The following CSMD3 variants were observed in gnomAD, a reference collection of about 807,000 sequenced individuals.
CSMD3 encodes the protein CUB and Sushi multiple domains 3.
In CSMD3, 177 loss-of-function variants were observed where a neutral mutation model predicts 435.2. The observed-to-expected ratio is 0.41, with a 90% CI of 0.36 to 0.46. The LOEUF (loss-of-function observed/expected upper bound fraction) is 0.46. CSMD3 is among the 20% of genes least tolerant of loss of function. The pLI is 0.34. For synonymous variants in CSMD3, 1,656 were observed against 1,520.5 expected (o/e 1.09, Z -2.07); for missense variants, 4,265 against 4,504.6 (o/e 0.95, Z 1.52).
intron 4 of CSMD3, among the ~76,000 whole-genome samples, chr8:113,129,893 C>A (rs2091241115): frequency 6.6e-6 from 1 of 151,768 alleles, no homozygotes; most frequent in South Asian, 2.1e-4. Context: ...AGGATACAGC[C>A]AGTAATTTTA....
At position 112,304,956 on chromosome 8, in the gene CSMD3, A is replaced by G. The variant is rs113360774; in HGVS notation, c.8072-41T>C. On this transcript the variant is annotated intron_variant, in intron 51 of 70. Coordinates refer to ENST00000297405, the MANE Select transcript of CSMD3 (RefSeq NM_198123.2). ...AGGGTGTAATTGCTAACAAATCACT[A>G]TATCTCAACGTCTATTCCATTCTTT... The G allele has an allele frequency of 2.0e-4, 290 of 1,441,628 alleles. 1 individual carries two copies. In the African/African-American group the frequency reaches 3.4e-3, roughly 17 times the overall value. The allele number at this position is 1,441,628 out of a possible 1,614,324, so 89.3% of individuals were successfully genotyped here. A position where few individuals can be genotyped will look rare whatever the true frequency, so the allele number is the denominator to read the frequency against.
intron 59 of CSMD3, among the ~76,000 whole-genome samples, chr8:112,280,735 G>C (rs1322387945): frequency 6.6e-6 from 1 of 151,868 alleles, no homozygotes; most frequent in Non-Finnish European, 1.5e-5. Context: ...AACATAACAA[G>C]AGAGCAAATC....
chr8:113,106,843 CT>C (rs921425938), intron 4 of CSMD3, among the ~76,000 whole-genome samples: 17 of 149,342 alleles, frequency 1.1e-4, no homozygotes, highest in African/African-American at 2.5e-4. Flanking sequence ...TATTCTCTTT[CT>C]TTTTTTTTCT....
intron 10 of CSMD3, among the ~76,000 whole-genome samples, chr8:112,894,075 A>C (rs1013434077): frequency 4.0e-5 from 6 of 151,494 alleles, no homozygotes; most frequent in Non-Finnish European, 8.9e-5. Flanking sequence ...AACAAGAAAC[A>C]CAACAAAGGG....
intron 32 of CSMD3, among the ~76,000 whole-genome samples, chr8:112,446,406 C>A (rs1815611725): frequency 6.6e-6 from 1 of 152,206 alleles, no homozygotes; most frequent in Non-Finnish European, 1.5e-5. Flanking sequence ...TCAGCTGACT[C>A]TCAAACTTAA....
intron 63 of CSMD3, among the ~76,000 whole-genome samples, chr8:112,248,137 GA>G (rs1468091800): frequency 6.6e-6 from 1 of 151,918 alleles, no homozygotes; most frequent in East Asian, 1.9e-4. Context: ...TCCTCTTTGA[GA>G]CCTAATTTAT....
intron 7 of CSMD3, among the ~76,000 whole-genome samples, chr8:112,972,743 T>TA (rs1213291017): frequency 6.6e-6 from 1 of 151,954 alleles, no homozygotes; most frequent in Non-Finnish European, 1.5e-5. Context: ...AACTATTTTT[T>TA]AAAAAATATC....
chr8:113,036,143 A>C (rs1215312366), intron 5 of CSMD3, among the ~76,000 whole-genome samples: 1 of 151,606 alleles, frequency 6.6e-6, no homozygotes, highest in Non-Finnish European at 1.5e-5. Flanking sequence ...GGACTAACTA[A>C]ATAAAATTAA....
intron 9 of CSMD3, among the ~76,000 whole-genome samples, chr8:112,926,633 G>T (rs967651910): frequency 3.9e-5 from 6 of 152,180 alleles, no homozygotes; most frequent in African/African-American, 1.2e-4. Flanking sequence ...GTCAGTAAGA[G>T]AAGATATGAG....
At chr8:112,786,955 C>T (rs1341256844) in intron 13 of CSMD3, among the ~76,000 whole-genome samples, 4 of 152,102 alleles carry the variant, frequency 2.6e-5, no homozygotes, top group Non-Finnish European at 4.4e-5. Context: ...CGTTGTTCAA[C>T]TCCCACTTAT....
At chr8:112,323,283 T>G (rs1328870445) in intron 45 of CSMD3, among the ~76,000 whole-genome samples, 1 of 152,074 alleles carries the variant, frequency 6.6e-6, no homozygotes, top group Non-Finnish European at 1.5e-5. Context: ...CAATCTCTAC[T>G]AGTATGTTCT....
chr8:112,860,587 C>G (rs1447361604), intron 10 of CSMD3, among the ~76,000 whole-genome samples: 1 of 151,404 alleles, frequency 6.6e-6, no homozygotes, highest in Non-Finnish European at 1.5e-5. Flanking sequence ...GTTTAAATTG[C>G]TTTTTCAAAG....
chr8:112,446,744 G>C (rs565268262), intron 32 of CSMD3, among the ~76,000 whole-genome samples: 5 of 152,070 alleles, frequency 3.3e-5, no homozygotes, highest in Non-Finnish European at 5.9e-5. Context: ...AATATAGTTT[G>C]CTTTCAGGGT....
intron 10 of CSMD3, among the ~76,000 whole-genome samples, chr8:112,868,381 C>T (rs2081043610): frequency 6.6e-6 from 1 of 152,124 alleles, no homozygotes; most frequent in African/African-American, 2.4e-5. Flanking sequence ...AAACCACTAA[C>T]ATAGTTGTTT....
Position 112,337,693 on chromosome 8 carries a change from G to T in CSMD3, c.6691C>A (p.Arg2231=), listed in dbSNP as rs751474008. ...TCATTACCAATTACAAAACCATTTC[G>T]AAACGGGCGTGGATCAGGACAGCTT... ...LQSCPDPRPF[R]NGFVIGNDFT... is the part of the protein sequence containing the mutation. Residue 2231 remains arginine, a synonymous_variant, in exon 43 of 71, where the codon CGA becomes AGA. Transcript: ENST00000297405. 1 of 1,613,686 alleles carries T rather than the reference G, an allele frequency of 6.2e-7. No homozygotes were observed. The highest frequency in any genetic ancestry group is 1.1e-5 in the South Asian group (1 of 91,076).
At chr8:112,927,661 A>G (rs953773876) in intron 9 of CSMD3, among the ~76,000 whole-genome samples, 7 of 152,126 alleles carry the variant, frequency 4.6e-5, no homozygotes, top group Non-Finnish European at 8.8e-5. Context: ...GTTAGATATT[A>G]CAAAGTATTT....
intron 6 of CSMD3, among the ~76,000 whole-genome samples, chr8:112,977,672 G>C (rs1412342669): frequency 2.0e-5 from 3 of 151,978 alleles, no homozygotes; most frequent in Non-Finnish European, 4.4e-5. Context: ...AGTATTAAAT[G>C]ATTTTTGTAT....
chr8:112,302,316 C>T (rs1353302824), intron 52 of CSMD3, among the ~76,000 whole-genome samples: 1 of 151,174 alleles, frequency 6.6e-6, no homozygotes, highest in Non-Finnish European at 1.5e-5. Flanking sequence ...AAATCTTTCT[C>T]TGCTTTATCA....
chr8:113,283,417 C>T lies in CSMD3; in HGVS notation c.402-4713G>A, dbSNP rs2093625883. Among the ~76,000 whole-genome samples, 6 of 151,872 alleles carry T rather than the reference C, an allele frequency of 4.0e-5. No homozygotes were observed. The South Asian group carries it at 1.2e-3, about 31-fold the overall frequency. ...AGAAAAAATCCCATCAAAAAGTGGG[C>T]TAAGGGCATGAATAGACAATTCTCA... On this transcript the variant is annotated intron_variant, in intron 2 of 70. Transcript: ENST00000297405.
Sources: gnomAD v4.1 joint callset for allele counts (sites outside exome capture counted in the v4.1 genomes callset) on GRCh38, gnomAD v4.1.1 for gene constraint, MANE v1.5 for transcripts, NCBI Gene and HGNC (gene_info 2026-07-23, HGNC 2026-07-21) for gene names.